DLGAP2: variants seen among roughly 807,000 people sequenced by gnomAD.
DLGAP2 encodes disks large-associated protein 2.
Under a neutral mutation model 100.3 loss-of-function variants are expected in DLGAP2, and 26 were observed. The observed-to-expected ratio is 0.26, with a 90% CI of 0.19 to 0.36. The LOEUF (loss-of-function observed/expected upper bound fraction) is 0.36, where lower values mean the gene tolerates loss of function less well. Among genes scored for constraint, DLGAP2 ranks in the 10% least tolerant of loss-of-function variants. The pLI, the probability that DLGAP2 is intolerant of heterozygous loss-of-function variation, is 1.00. For missense variants in DLGAP2, 1,858 were observed against 1,453.2 expected (o/e 1.28, Z -4.53); for synonymous variants, 886 against 630.1 (o/e 1.41, Z -6.08).
At chr8:940,792 C>T (rs10112008) in intron 2 of DLGAP2, among the ~76,000 whole-genome samples, 1 of 152,098 alleles carries the variant, frequency 6.6e-6, no homozygotes, top group African/African-American at 2.4e-5. Flanking sequence ...GAAAAGATCA[C>T]CACCTTTCTG....
intron 2 of DLGAP2, among the ~76,000 whole-genome samples, chr8:1,255,173 G>A (rs1377199236): frequency 9.0e-6 from 1 of 110,704 alleles, no homozygotes; most frequent in African/African-American, 4.1e-5. Flanking sequence ...TGCTGTGTGT[G>A]TGCCCTCTCA....
At chr8:1,285,871 T>C (rs1420189790) in intron 3 of DLGAP2, among the ~76,000 whole-genome samples, 9 of 152,126 alleles carry the variant, frequency 5.9e-5, no homozygotes, top group African/African-American at 2.2e-4. Flanking sequence ...CTTGCAAGGA[T>C]TACCTGAGCC....
At chr8:749,813 G>A (rs1820745713) in intron 1 of DLGAP2, among the ~76,000 whole-genome samples, 1 of 152,192 alleles carries the variant, frequency 6.6e-6, no homozygotes, top group Non-Finnish European at 1.5e-5. Flanking sequence ...CTGGAAGCCT[G>A]GAGCCAAGGT....
chr8:1,499,703 C>G (rs1799651561), intron 3 of DLGAP2, among the ~76,000 whole-genome samples: 1 of 152,190 alleles, frequency 6.6e-6, no homozygotes, highest in Admixed American at 6.5e-5. Context: ...ATAGCTATTT[C>G]TTATACATGT....
intron 2 of DLGAP2, among the ~76,000 whole-genome samples, chr8:1,205,042 G>T (rs533398358): frequency 2.0e-5 from 3 of 152,148 alleles, no homozygotes; most frequent in African/African-American, 7.2e-5. Flanking sequence ...CATTAGGGCT[G>T]GTCTCTGCAT....
intron 3 of DLGAP2, among the ~76,000 whole-genome samples, chr8:1,444,311 A>G (rs888696983): frequency 2.0e-5 from 3 of 152,214 alleles, no homozygotes; most frequent in Non-Finnish European, 4.4e-5. Context: ...CTCCATATTA[A>G]TGGGCACTTA....
chr8:1,320,605 G>A (rs997195705), intron 3 of DLGAP2, among the ~76,000 whole-genome samples: 3 of 152,112 alleles, frequency 2.0e-5, no homozygotes, highest in Non-Finnish European at 2.9e-5. Flanking sequence ...TCAACTTCTC[G>A]AACATATTCT....
chr8:1,665,818 C>A (rs1288067512), intron 8 of DLGAP2, among the ~76,000 whole-genome samples: 1 of 152,220 alleles, frequency 6.6e-6, no homozygotes, highest in Non-Finnish European at 1.5e-5. Context: ...TGTAAATGAC[C>A]CATGACAAAT....
At chr8:1,337,188 TG>T (rs1210334151) in intron 3 of DLGAP2, among the ~76,000 whole-genome samples, 7 of 124,976 alleles carry the variant, frequency 5.6e-5, no homozygotes, top group Non-Finnish European at 9.6e-5. Flanking sequence ...ATGGTGGTGG[TG>T]AGAATGATGG....
At chr8:1,470,906 CGACCCCTCCAGCCTTTCCCGACCCCT>C (rs1798771750) in intron 3 of DLGAP2, among the ~76,000 whole-genome samples, 30 of 13,816 alleles carry the variant, frequency 2.2e-3, no homozygotes, top group African/African-American at 4.9e-3. Context: ...CAGCCTTTCC[CGACCCCTCCAGCCTTTCCCGACCCCT>C]CCAGCCTTTC....
At chr8:928,701 C>G (rs1405508309) in intron 2 of DLGAP2, among the ~76,000 whole-genome samples, 1 of 152,088 alleles carries the variant, frequency 6.6e-6, no homozygotes, top group African/African-American at 2.4e-5. Context: ...GGGTCAGGCG[C>G]AAGGTGTCCA....
At chr8:1,577,138 A>C (rs1296894118) in intron 6 of DLGAP2, among the ~76,000 whole-genome samples, 1 of 152,220 alleles carries the variant, frequency 6.6e-6, no homozygotes, top group African/African-American at 2.4e-5. Context: ...GTGAATTTCT[A>C]ATGTTCTCAT....
intron 2 of DLGAP2, among the ~76,000 whole-genome samples, chr8:972,133 C>T (rs1009281892): frequency 6.6e-6 from 1 of 152,128 alleles, no homozygotes. Flanking sequence ...CCTCTTAAAC[C>T]TACATCTATA....
intron 3 of DLGAP2, among the ~76,000 whole-genome samples, chr8:1,459,913 T>C (rs953722293): frequency 6.6e-6 from 1 of 152,168 alleles, no homozygotes; most frequent in Non-Finnish European, 1.5e-5. Context: ...CTCAAACTCC[T>C]GATCTCAAGT....
At chr8:1,275,941 TATATA>T (rs1417568215) in intron 3 of DLGAP2, among the ~76,000 whole-genome samples, 1 of 126,738 alleles carries the variant, frequency 7.9e-6, no homozygotes, top group Non-Finnish European at 1.6e-5. Context: ...TATATAAATA[TATATA>T]ATATATAAAT....
intron 3 of DLGAP2, among the ~76,000 whole-genome samples, chr8:1,450,350 A>G (rs4273877): frequency 0.67 from 5,030 of 7,538 alleles, 1,495 homozygotes; most frequent in South Asian, 0.73. Flanking sequence ...GAGGTGGGCG[A>G]CCTCGGTGGC....
intron 6 of DLGAP2, among the ~76,000 whole-genome samples, chr8:1,575,607 T>G (rs550301426): frequency 2.4e-5 from 3 of 127,592 alleles, no homozygotes; most frequent in South Asian, 6.9e-4. Flanking sequence ...TCCTAATGCT[T>G]TCCCTCCCCC....
chr8:1,184,139 A>G (rs1281166001), intron 2 of DLGAP2, among the ~76,000 whole-genome samples: 2 of 152,242 alleles, frequency 1.3e-5, no homozygotes, highest in African/African-American at 2.4e-5. Context: ...TGATGTCTCC[A>G]AGTTGCACAG....
At chr8:1,386,226 G>T (rs1369824030) in intron 3 of DLGAP2, among the ~76,000 whole-genome samples, 1 of 152,192 alleles carries the variant, frequency 6.6e-6, no homozygotes, top group Non-Finnish European at 1.5e-5. Flanking sequence ...GTGGGGAAAT[G>T]ATCCAGGAAA....
Sources: allele counts gnomAD v4.1 joint callset (sites outside exome capture counted in the v4.1 genomes callset), GRCh38; gene constraint gnomAD v4.1.1; transcripts MANE v1.5; gene names NCBI Gene and HGNC (gene_info 2026-07-23, HGNC 2026-07-21).